The following C1orf21 variants were observed in gnomAD, a reference collection of about 807,000 sequenced individuals.
C1orf21 encodes the protein chromosome 1 open reading frame 21, also known as uncharacterized protein C1orf21.
In C1orf21, 3 loss-of-function variants were observed where a neutral mutation model predicts 18.7. That is an observed-to-expected ratio of 0.16 (90% CI 0.07 to 0.42). The LOEUF (loss-of-function observed/expected upper bound fraction) is 0.42, where lower values mean the gene tolerates loss of function less well. C1orf21 is among the 10% of genes least tolerant of loss of function. The probability of loss-of-function intolerance (pLI) is 0.99; values close to 1 mark genes in which losing one functional copy is unlikely to be tolerated. For synonymous variants in C1orf21, 41 were observed against 46.4 expected, an observed-to-expected ratio of 0.88 and a Z score of 0.47; for missense variants, 104 against 143.6, an observed-to-expected ratio of 0.72 and a Z score of 1.41.
chr1:184,446,963 C>G (rs983392851), intron 1 of C1orf21, among the ~76,000 whole-genome samples: 3 of 149,906 alleles, frequency 2.0e-5, no homozygotes, highest in Non-Finnish European at 4.4e-5. Flanking sequence ...GTTTTCTCTA[C>G]TTTGAGTATG....
intron 1 of C1orf21, among the ~76,000 whole-genome samples, chr1:184,456,629 T>A (rs1041278037): frequency 4.7e-5 from 7 of 148,740 alleles, no homozygotes; most frequent in Non-Finnish European, 1.0e-4. Flanking sequence ...GAAACAGTTA[T>A]GATAGCACAG....
chr1:184,478,726 C>T (rs1316023080), intron 2 of C1orf21, among the ~76,000 whole-genome samples: 1 of 152,140 alleles, frequency 6.6e-6, no homozygotes, highest in African/African-American at 2.4e-5. Flanking sequence ...GATATATAAA[C>T]AAAATTTCAA....
intron 5 of C1orf21, among the ~76,000 whole-genome samples, chr1:184,615,301 C>T (rs1256053778): frequency 6.6e-6 from 1 of 152,162 alleles, no homozygotes; most frequent in African/African-American, 2.4e-5. Flanking sequence ...GGCAAAGGTT[C>T]CTTGGGGTTT....
chr1:184,459,753 G>A (rs1228991930), intron 1 of C1orf21, among the ~76,000 whole-genome samples: 1 of 152,160 alleles, frequency 6.6e-6, no homozygotes, highest in Non-Finnish European at 1.5e-5. Flanking sequence ...TAGGATGTAG[G>A]AAGTGCAGGA....
At chr1:184,540,699 G>A (rs1251745931) in intron 3 of C1orf21, among the ~76,000 whole-genome samples, 3 of 152,140 alleles carry the variant, frequency 2.0e-5, no homozygotes. Context: ...CCAAAGTGCT[G>A]GGATTACAGG....
intron 1 of C1orf21, among the ~76,000 whole-genome samples, chr1:184,400,509 C>T (rs1656134598): frequency 6.6e-6 from 1 of 152,070 alleles, no homozygotes; most frequent in Admixed American, 6.5e-5. Flanking sequence ...AGTTCTGCAC[C>T]TTGCATTTTG....
At chr1:184,475,476 C>G (rs1657555356) in intron 1 of C1orf21, among the ~76,000 whole-genome samples, 1 of 152,130 alleles carries the variant, frequency 6.6e-6, no homozygotes, top group Non-Finnish European at 1.5e-5. Flanking sequence ...TAAATTTCTA[C>G]CAAACCTTTG....
At chr1:184,547,767 A>G (rs1430703643) in intron 3 of C1orf21, among the ~76,000 whole-genome samples, 1 of 152,250 alleles carries the variant, frequency 6.6e-6, no homozygotes, top group Non-Finnish European at 1.5e-5. Context: ...TATGAAGAGA[A>G]TAATCAAAAT....
intron 1 of C1orf21, chr1:184,412,296 A>G (rs1034384272): frequency 3.3e-5 from 5 of 152,272 alleles, no homozygotes; most frequent in Admixed American, 3.3e-4. Flanking sequence ...GAAGGGATAG[A>G]TTACAGACTC....
intron 1 of C1orf21, among the ~76,000 whole-genome samples, chr1:184,428,151 T>C (rs188097596): frequency 1.1e-4 from 17 of 152,328 alleles, no homozygotes; most frequent in African/African-American, 3.8e-4. Flanking sequence ...TTAGGTATGG[T>C]GCATAATCTT....
intron 3 of C1orf21, among the ~76,000 whole-genome samples, chr1:184,526,574 A>T (rs898509202): frequency 1.3e-5 from 2 of 152,156 alleles, no homozygotes; most frequent in Non-Finnish European, 2.9e-5. Flanking sequence ...CTATTGTTTT[A>T]AAAAATGAGA....
chr1:184,465,159 A>G (rs76221843), intron 1 of C1orf21, among the ~76,000 whole-genome samples: 11,893 of 152,226 alleles, frequency 0.078, 565 homozygotes, highest in African/African-American at 0.12. Context: ...CCCTAAAGGC[A>G]TTAGTTAATC....
chr1:184,538,835 C>T (rs1213968617), intron 3 of C1orf21, among the ~76,000 whole-genome samples: 1 of 152,218 alleles, frequency 6.6e-6, no homozygotes, highest in Non-Finnish European at 1.5e-5. Flanking sequence ...GTCAGTACCA[C>T]ACTGTTTTGA....
chr1:184,619,186 A>G (rs917576775), intron 5 of C1orf21, among the ~76,000 whole-genome samples: 8 of 152,208 alleles, frequency 5.3e-5, no homozygotes, highest in African/African-American at 1.9e-4. Context: ...TCTTCCTGAT[A>G]AGAAATTGAT....
intron 3 of C1orf21, among the ~76,000 whole-genome samples, chr1:184,517,923 A>T (rs1658253305): frequency 6.6e-6 from 1 of 152,198 alleles, no homozygotes; most frequent in African/African-American, 2.4e-5. Flanking sequence ...CTTCTTCCAG[A>T]TAATTAAAGG....
chr1:184,586,172 TG>T (rs1659349145), intron 3 of C1orf21, among the ~76,000 whole-genome samples: 1 of 152,226 alleles, frequency 6.6e-6, no homozygotes, highest in South Asian at 2.1e-4. Flanking sequence ...AGTATCTCAT[TG>T]TGGTTTTGAT....
chr1:184,555,143 A>G (rs1262135368), intron 3 of C1orf21, among the ~76,000 whole-genome samples: 1 of 152,224 alleles, frequency 6.6e-6, no homozygotes, highest in African/African-American at 2.4e-5. Context: ...CTCAGCACCT[A>G]GAACAATATC....
chr1:184,397,203 C>A (rs1656064258), intron 1 of C1orf21, among the ~76,000 whole-genome samples: 1 of 152,160 alleles, frequency 6.6e-6, no homozygotes, highest in Non-Finnish European at 1.5e-5. Flanking sequence ...TAAAACAAAT[C>A]TAAAGACATT....
chr1:184,503,529 G>T (rs932350723), intron 2 of C1orf21, among the ~76,000 whole-genome samples: 1 of 152,038 alleles, frequency 6.6e-6, no homozygotes, highest in East Asian at 1.9e-4. Context: ...TCCCTGCATC[G>T]CTTAGTACAG....
Sources: allele counts gnomAD v4.1 joint callset (sites outside exome capture counted in the v4.1 genomes callset), GRCh38; gene constraint gnomAD v4.1.1; transcripts MANE v1.5; gene names NCBI Gene and HGNC (gene_info 2026-07-23, HGNC 2026-07-21).